RIF1: variants seen among roughly 807,000 people sequenced by gnomAD.
The protein encoded by RIF1 is telomere-associated protein RIF1.
In RIF1, 45 loss-of-function variants were observed where a neutral mutation model predicts 247.1. The observed-to-expected ratio is 0.18, with a 90% CI of 0.14 to 0.23. RIF1 has a LOEUF of 0.23. Ranked by LOEUF, RIF1 falls within the 10% of genes least tolerant of loss-of-function variation. The probability of loss-of-function intolerance (pLI) is 1.00; values close to 1 mark genes in which losing one functional copy is unlikely to be tolerated. For missense variants in RIF1, 2,967 were observed against 2,862.5 expected (o/e 1.04, Z -0.83); for synonymous variants, 1,087 against 978.8 (o/e 1.11, Z -2.06).
At position 151,494,254 on chromosome 2, in the gene RIF1, C is replaced by T; in HGVS notation, c.*416-975C>T. On this transcript the variant is annotated intron_variant and NMD_transcript_variant, in intron 9 of 13. Transcript: ENST00000454583. ...TCCCCACATTTTCTTTGTACAAAAC[C>T]TATGGGAATCCAATGGGTCCAAAAA... 6.3e-7 allele frequency: 1 copy of T among 1,587,400 alleles called. No homozygotes were observed. Among genetic ancestry groups the T allele is most frequent in the Non-Finnish European group, 8.6e-7 (1 of 1,163,740 alleles).
intron 13 of RIF1, 62 bp from the exon 14 acceptor site, chr2:151,438,622 T>C: frequency 4.0e-6 from 4 of 1,000,260 alleles, no homozygotes; most frequent in Middle Eastern, 2.0e-4. Flanking sequence ...GGGAGAGTGT[T>C]AGTCATAGTA....
chr2:151,519,947 G>A, the RIF1 span: 105 of 461,974 alleles, frequency 2.3e-4, no homozygotes, highest in South Asian at 6.4e-4. Flanking sequence ...AGAATGACAA[G>A]ACAACAGGCA....
chr2:151,516,485 T>C, the RIF1 span: 1 of 1,613,062 alleles, frequency 6.2e-7, no homozygotes, highest in Non-Finnish European at 8.5e-7. Flanking sequence ...TGAGACTCTT[T>C]GGCAGTGATG....
intron 35 of RIF1, among the ~76,000 whole-genome samples, chr2:151,474,476 C>G (rs983457809): frequency 2.6e-5 from 4 of 152,084 alleles, no homozygotes; most frequent in African/African-American, 9.7e-5. Context: ...GTCAGGAGTT[C>G]GAGACCACTC....
At chr2:151,468,838 G>A in intron 33 of RIF1, 82 bp downstream of exon 33, 1 of 989,528 alleles carries the variant, frequency 1.0e-6, no homozygotes, top group Admixed American at 1.9e-5. Context: ...TGGTTCTCAT[G>A]TTTAGAATTG....
At chr2:151,433,382 C>A (rs959523429) in intron 10 of RIF1, among the ~76,000 whole-genome samples, 154 bp downstream of exon 10, 2 of 152,178 alleles carry the variant, frequency 1.3e-5, no homozygotes, top group Non-Finnish European at 2.9e-5. Context: ...AACTTAAATT[C>A]ATTTCCCACA....
chr2:151,471,324 G>GAAAC (rs1409459422), intron 34 of RIF1, among the ~76,000 whole-genome samples: 2 of 152,168 alleles, frequency 1.3e-5, no homozygotes, highest in African/African-American at 4.8e-5. Context: ...TAGGTTGCCT[G>GAAAC]TTCACTCTGA....
At position 151,443,512 on chromosome 2, in the gene RIF1, T is replaced by A. The variant is rs773098880; in HGVS notation, c.1806-17T>A. The A allele has an allele frequency of 4.5e-6, 7 of 1,540,366 alleles. No individual in the cohort carries two copies. Among genetic ancestry groups the A allele is most frequent in the African/African-American group, 4.2e-5 (3 of 71,554 alleles). ...CCTGCCAAAAAGTTGATGCATTTTT[T>A]ATAATTTTTTGTTCAGGTTCTTTCT... is the stretch of plus-strand genomic sequence containing the variant. On this transcript the variant is annotated splice_polypyrimidine_tract_variant and intron_variant, in intron 17 of 35. Coordinates refer to ENST00000444746, the MANE Select transcript of RIF1 (RefSeq NM_018151.5).
At chr2:151,442,275 T>C (rs1039114577) in intron 16 of RIF1, among the ~76,000 whole-genome samples, 5 of 151,516 alleles carry the variant, frequency 3.3e-5, no homozygotes, top group African/African-American at 1.2e-4. Context: ...GGTTTCTCCA[T>C]GTTGGTCAGG....
At chr2:151,498,057 A>AAAAC in intron 10 of RIF1, 4 of 1,452,660 alleles carry the variant, frequency 2.8e-6, no homozygotes, top group Non-Finnish European at 3.6e-6. Context: ...CATTATTTTT[A>AAAAC]AAACATGTTT....
chr2:151,414,825 T>G lies in RIF1; in HGVS notation c.186T>G (p.Thr62=), dbSNP rs926493161. 67 of 1,604,724 alleles carry G rather than the reference T, an allele frequency of 4.2e-5. No individual in the cohort carries two copies. Among genetic ancestry groups the G allele is most frequent in the Non-Finnish European group, 5.6e-5 (66 of 1,175,886 alleles). Residue 62 remains threonine, a splice_region_variant and synonymous_variant, in exon 4 of 36, where the codon ACT becomes ACG. Transcript: ENST00000444746. ...KLPRLYKVLK[T]HISSQNSELS... ...TAAATGTGATTTTGTTTTTGTAGACTCACATTTCCAGTCAAAACTCGGAGC... is the reference window on the plus strand; with the variant it reads ...TAAATGTGATTTTGTTTTTGTAGACGCACATTTCCAGTCAAAACTCGGAGC...
At chr2:151,411,628 C>T (rs371134498) in intron 3 of RIF1, among the ~76,000 whole-genome samples, 3 of 152,096 alleles carry the variant, frequency 2.0e-5, no homozygotes, top group Admixed American at 1.3e-4. Flanking sequence ...CTCGAACTCC[C>T]GACCTCAGGT....
chr2:151,524,617 C>A, the RIF1 span: 1 of 1,389,280 alleles, frequency 7.2e-7, no homozygotes, highest in Non-Finnish European at 9.9e-7. Flanking sequence ...TGTAAGCGAC[C>A]TTTATTGGGG....
downstream of RIF1, chr2:151,483,427 G>A (rs1178374853): frequency 6.6e-6 from 1 of 152,162 alleles, no homozygotes; most frequent in African/African-American, 2.4e-5. Flanking sequence ...TCAGTATAAG[G>A]AAGTTACAAG....
In RIF1 at chr2:151,464,703, G is replaced by T; in HGVS notation, c.5183G>T (p.Arg1728Ile). Reference sequence around the variant, plus strand: ...CACAAGAGAAGTAGGAGGGTGAGGAGATCTAAAGGTTGTGATTGCTGTGGG... The same window carrying T: ...CACAAGAGAAGTAGGAGGGTGAGGATATCTAAAGGTTGTGATTGCTGTGGG... Reference protein sequence around the residue: ...CQHKRSRRVRRSKGCDCCGEK... With the variant: ...CQHKRSRRVRISKGCDCCGEK... Residue 1728 changes from arginine (R) to isoleucine (I), a missense_variant, in exon 30 of 36, where the codon AGA (arginine) becomes ATA (isoleucine). Arg to Ile is a moderately conservative substitution (Grantham distance 97, BLOSUM62 -3). Coordinates refer to ENST00000444746, the MANE Select transcript of RIF1 (RefSeq NM_018151.5). 1.9e-6 allele frequency: 3 copies of T among 1,613,208 alleles called. No homozygotes were observed. The highest frequency in any genetic ancestry group is 1.1e-5 in the South Asian group (1 of 90,920).
rs1247075267 is a variant in RIF1, at chr2:151,409,960, G to A, written c.-84G>A. 2.3e-5 allele frequency: 16 copies of A among 701,720 alleles called. No homozygotes were observed. In the East Asian group the frequency reaches 4.0e-4, roughly 18 times the overall value. The allele number at this position is 701,720 out of a possible 1,614,324, so 43.5% of individuals were successfully genotyped here. ...CACGCGTGAGTAAACAGCCGGAGCT[G>A]GGAAAGTCGAGCTCTGGCAGCGTCT... On this transcript the variant is annotated 5_prime_UTR_variant, in exon 1 of 36. Coordinates refer to ENST00000444746, the MANE Select transcript of RIF1 (RefSeq NM_018151.5).
chr2:151,464,190 C>T lies in RIF1; in HGVS notation c.4670C>T (p.Ser1557Leu), dbSNP rs141807972. 1.9e-4 allele frequency: 310 copies of T among 1,611,578 alleles called. 1 individual carries two copies. In the African/African-American group the frequency reaches 3.3e-3, roughly 17 times the overall value. The change falls in exon 30 of 36, where the codon TCG becomes TTG. Residue 1557 changes from serine to leucine, a missense_variant. By Grantham distance (145) the Ser-to-Leu change is moderately radical. Transcript: ENST00000444746. The stretch of plus-strand genomic sequence containing the variant: ...ATTGAAAACTCAGAATCTGATAGTT[C>T]GGAGGCAAAAGAAGAAGGTTCTAGG... ...SSIENSESDS[S>L]EAKEEGSRKK...
At chr2:151,502,737 T>G (rs2065668985) in intron 11 of RIF1, 5 of 937,504 alleles carry the variant, frequency 5.3e-6, no homozygotes, top group Non-Finnish European at 8.5e-6. Context: ...TTGTAAGGTG[T>G]TATTATTTTA....
rs199498247 is a variant in RIF1 at position 151,465,612 on chromosome 2, C to G, written c.6092C>G (p.Ala2031Gly). 205 of 1,613,806 alleles carry G rather than the reference C, an allele frequency of 1.3e-4. No individual in the cohort carries two copies. The highest frequency in any genetic ancestry group is 1.7e-4 in the Non-Finnish European group (200 of 1,179,910). Residue 2031 changes from alanine to glycine, a missense_variant, in exon 30 of 36, where the codon GCT becomes GGT. Physicochemically the swap from Ala to Gly is moderately conservative, Grantham distance 60. This residue lies in a region of RIF1 where 2,028 missense variants were observed against 1,825.6 expected (regional missense o/e 1.11). Transcript: ENST00000444746. ...NEEMMIGEAM[A>G]ETGHDGETEN... ...GAAATGATGATCGGCGAGGCAATGG[C>G]TGAAACTGGCCATGATGGTGAAACA...
Sources: allele counts gnomAD v4.1 joint callset (sites outside exome capture counted in the v4.1 genomes callset), GRCh38; gene constraint gnomAD v4.1.1; regional missense constraint gnomAD v4.1.1; transcripts MANE v1.5; gene names NCBI Gene and HGNC (gene_info 2026-07-23, HGNC 2026-07-21).